Variants in PAPOLB observed in about 807,000 individuals in gnomAD.
The protein encoded by PAPOLB is PAP-beta.
PAPOLB carries 19 observed loss-of-function variants against 23.2 expected under a neutral mutation model. The ratio of observed to expected loss-of-function variants is 0.82; its 90% confidence interval spans 0.57 to 1.20. The LOEUF (loss-of-function observed/expected upper bound fraction) is 1.20, where lower values mean the gene tolerates loss of function less well. Ranked by LOEUF, PAPOLB falls within the 50% of genes most tolerant of loss-of-function variation. The pLI, the probability that PAPOLB is intolerant of heterozygous loss-of-function variation, is 0.00. For missense variants in PAPOLB, 822 were observed against 776.8 expected, an observed-to-expected ratio of 1.06 and a Z score of -0.69; for synonymous variants, 360 against 290.7, an observed-to-expected ratio of 1.24 and a Z score of -2.43.
In PAPOLB at chr7:4,860,076, G is replaced by A; in HGVS notation, c.1735C>T (p.Gln579Ter). The change falls in exon 1 of 1, where the codon CAG (glutamine) becomes TAG (stop). Residue 579 changes from glutamine to a stop codon, truncating the protein, a stop_gained. Transcript: ENST00000404991. LOFTEE classifies it low-confidence loss of function (END_TRUNC). Reference protein sequence around the residue: ...NIQATEFSLQQVNTNESSGVA... With the variant: ...NIQATEFSLQ ...CCTGAACTTTCATTGGTATTCACCT[G>A]TTGCAAGGAAAATTCAGTAGCCTGT... 6.2e-7 allele frequency: 1 copy of A among 1,614,018 alleles called. No individual in the cohort carries two copies. The highest frequency in any genetic ancestry group is 8.5e-7 in the Non-Finnish European group (1 of 1,179,876).
rs967837670 is a variant in PAPOLB at position 4,861,963 on chromosome 7, G to A, written c.-153C>T. ...TCCCGCTGCGCGCCCGCCGCTTCAG[G>A]AGCTTCTCCTCCTTCCCCTCAGCCC... On this transcript the variant is annotated 5_prime_UTR_variant, in exon 1 of 1. Coordinates refer to ENST00000404991, the MANE Select transcript of PAPOLB (RefSeq NM_020144.5). 9.4e-5 allele frequency: 44 copies of A among 468,756 alleles called. No homozygotes were observed. Among genetic ancestry groups the A allele is most frequent in the African/African-American group, 8.5e-4 (41 of 48,494 alleles). The allele number at this position is 468,756 out of a possible 1,614,324, so 29.0% of individuals were successfully genotyped here.
At position 4,860,007 on chromosome 7, in the gene PAPOLB, C is replaced by T. The variant is rs1000439646; in HGVS notation, c.1804G>A (p.Ala602Thr). Residue 602 changes from alanine (A) to threonine (T), a missense_variant, in exon 1 of 1, where the codon GCC becomes ACC. Physicochemically the swap from Ala to Thr is moderately conservative, Grantham distance 58 (BLOSUM62 0). Around this residue, in one of 3 missense-constraint regions of PAPOLB, gnomAD observed 534 missense variants for 502.8 expected, o/e 1.06. Coordinates refer to ENST00000404991, the MANE Select transcript of PAPOLB (RefSeq NM_020144.5). ...ATGGCCTTTGGTGATGGAGAAATGG[C>T]AGGCTGAGAGACAGCGTGAGGAATA... Reference protein sequence around the residue: ...ESIPHAVSQPAISPSPKAMVA... With the variant: ...ESIPHAVSQPTISPSPKAMVA... 1.9e-6 allele frequency: 3 copies of T among 1,613,846 alleles called. No homozygotes were observed. The highest frequency in any genetic ancestry group is 2.7e-5 in the African/African-American group (2 of 74,938).
Position 4,860,704 on chromosome 7 carries a change from A to G in PAPOLB, c.1107T>C (p.Phe369=). 1 of 1,614,198 alleles carries G rather than the reference A, an allele frequency of 6.2e-7. No individual in the cohort carries two copies. Among genetic ancestry groups the G allele is most frequent in the African/African-American group, 1.3e-5 (1 of 75,074 alleles). The stretch of plus-strand genomic sequence containing the variant: ...GTACAATATAATGCTTGTACTTTTG[A>G]AAGAAGCTTGGAGCTTCAAAGAGTT... ...WSKLFEAPSF[F]QKYKHYIVLL... is the part of the protein sequence containing the mutation. Residue 369 remains phenylalanine (F), a synonymous_variant, in exon 1 of 1, where the codon TTT becomes TTC. Transcript: ENST00000404991.
At position 4,860,200 on chromosome 7, in the gene PAPOLB, A is replaced by C; in HGVS notation, c.1611T>G (p.Pro537=). ...CTGTCTTCATAGTGCTAGTAGATGA[A>C]GGCACAGACATGCTGTTTTCACAGC... The part of the protein sequence containing the change: ...SAGCENSMSV[P]SSTSTMKTGP... Residue 537 remains proline, a synonymous_variant, in exon 1 of 1, where the codon CCT becomes CCG. Transcript: ENST00000404991. 1 of 1,614,062 alleles carries C rather than the reference A, an allele frequency of 6.2e-7. No individual in the cohort carries two copies. Among genetic ancestry groups the C allele is most frequent in the South Asian group, 1.1e-5 (1 of 91,084 alleles).
At position 4,860,999 on chromosome 7, in the gene PAPOLB, C is replaced by A; in HGVS notation, c.812G>T (p.Arg271Leu). Residue 271 changes from arginine (R) to leucine (L), a missense_variant, in exon 1 of 1, where the codon CGG (arginine) becomes CTG (leucine). Arg to Leu is a moderately radical substitution (Grantham distance 102). Around this residue, in one of 3 missense-constraint regions of PAPOLB, gnomAD observed 534 missense variants for 502.8 expected, o/e 1.06. Transcript: ENST00000404991. Reference sequence around the variant, plus strand: ...TTCTGAAAATACCAAGAAGAATTTCCGTACAAGAGTTGACGCTACTGCATT... The same window carrying A: ...TTCTGAAAATACCAAGAAGAATTTCAGTACAAGAGTTGACGCTACTGCATT... Reference protein sequence around the residue: ...YPNAVASTLVRKFFLVFSEWE... With the variant: ...YPNAVASTLVLKFFLVFSEWE... The A allele has an allele frequency of 6.2e-7, 1 of 1,614,178 alleles. No homozygotes were observed. The highest frequency in any genetic ancestry group is 8.5e-7 in the Non-Finnish European group (1 of 1,180,022).
chr7:4,861,834 G>GCACGTCCCCCACCACCACGACCTT lies in PAPOLB; in HGVS notation c.-25_-24insAAGGTCGTGGTGGTGGGGGACGTG. On this transcript the variant is annotated 5_prime_UTR_variant, in exon 1 of 1. Coordinates refer to ENST00000404991, the MANE Select transcript of PAPOLB (RefSeq NM_020144.5). ...ATCTTTCAGCGCCCGCCCCGCCAGG[G>GCACGTCCCCCACCACCACGACCTT]CACGTCCCCCACCACCGCGACCTTC... 3.2e-6 allele frequency: 4 copies of GCACGTCCCCCACCACCACGACCTT among 1,268,420 alleles called. No individual in the cohort carries two copies. The highest frequency in any genetic ancestry group is 4.1e-6 in the Non-Finnish European group (4 of 972,360). 78.6% of individuals were successfully genotyped at this position (1,268,420 alleles called of 1,614,324 possible).
Position 4,861,872 on chromosome 7 carries a change from C to T in PAPOLB, c.-62G>A. The T allele has an allele frequency of 1.9e-6, 1 of 538,146 alleles. No homozygotes were observed. The highest frequency in any genetic ancestry group is 2.4e-6 in the Non-Finnish European group (1 of 413,630). The allele number at this position is 538,146 out of a possible 1,614,324, so 33.3% of individuals were successfully genotyped here. ...CACCGCGACCTTCGCGGCCGCCGCC[C>T]GGGTCATGATCCGCTGAGGCGGAAG... On this transcript the variant is annotated 5_prime_UTR_variant, in exon 1 of 1. Transcript: ENST00000404991.
chr7:4,861,781 T>A lies in PAPOLB; in HGVS notation c.30A>T (p.Gly10=). The part of the protein sequence containing the change: MMPFPVTTQ[G]PPQPAPPPNR... The stretch of plus-strand genomic sequence containing the variant: ...TCGGCGGCGGCGCCGGCTGCGGTGG[T>A]CCCTGGGTTGTCACCGGAAACGGCA... Residue 10 remains glycine (G), a synonymous_variant, in exon 1 of 1, where the codon GGA becomes GGT. Transcript: ENST00000404991. 3 of 1,474,342 alleles carry A rather than the reference T, an allele frequency of 2.0e-6. No individual in the cohort carries two copies. The highest frequency in any genetic ancestry group is 2.7e-6 in the Non-Finnish European group (3 of 1,115,362). The allele number at this position is 1,474,342 out of a possible 1,614,324, so 91.3% of individuals were successfully genotyped here. A position where few individuals can be genotyped will look rare whatever the true frequency, so the allele number is the denominator to read the frequency against.
In PAPOLB at chr7:4,859,597, C is replaced by T. The variant is rs1783922340; in HGVS notation, c.*300G>A. ...TATCTAGTCCCGTACCCCTCATTCT[C>T]CTTCCTTAGTATTTGAAGACAACAG... is the stretch of plus-strand genomic sequence containing the variant. On this transcript the variant is annotated 3_prime_UTR_variant, in exon 1 of 1. Coordinates refer to ENST00000404991, the MANE Select transcript of PAPOLB (RefSeq NM_020144.5). 2.9e-6 allele frequency: 1 copy of T among 339,030 alleles called. No homozygotes were observed. Among genetic ancestry groups the T allele is most frequent in the Non-Finnish European group, 5.5e-6 (1 of 183,076 alleles). The allele number at this position is 339,030 out of a possible 1,614,324, so 21.0% of individuals were successfully genotyped here.
Position 4,861,698 on chromosome 7 carries a change from A to G in PAPOLB, c.113T>C (p.Leu38Pro). 1 of 1,578,196 alleles carries G rather than the reference A, an allele frequency of 6.3e-7. No individual in the cohort carries two copies. The highest frequency in any genetic ancestry group is 8.6e-7 in the Non-Finnish European group (1 of 1,164,376). Residue 38 changes from leucine (L) to proline (P), a missense_variant, in exon 1 of 1, where the codon CTC becomes CCC. By Grantham distance (98) the Leu-to-Pro change is moderately conservative (BLOSUM62 -3). Transcript: ENST00000404991. ...GGTTTCTATTAGCCTCTGGGTGAGGAGGCAGTCCGTCTCCTTGGGGACCGC... is the reference window on the plus strand; with the variant it reads ...GGTTTCTATTAGCCTCTGGGTGAGGGGGCAGTCCGTCTCCTTGGGGACCGC... ...SLAVPKETDCLLTQRLIETLR... is the reference protein window; with the variant it reads ...SLAVPKETDCPLTQRLIETLR...
chr7:4,861,832 G>C lies in PAPOLB; in HGVS notation c.-22C>G. The C allele has an allele frequency of 8.0e-7, 1 of 1,256,760 alleles. No individual in the cohort carries two copies. The highest frequency in any genetic ancestry group is 1.9e-5 in the South Asian group (1 of 52,748). 77.9% of individuals were successfully genotyped at this position (1,256,760 alleles called of 1,614,324 possible). A position where few individuals can be genotyped will look rare whatever the true frequency, so the allele number is the denominator to read the frequency against. ...TCATCTTTCAGCGCCCGCCCCGCCA[G>C]GGCACGTCCCCCACCACCGCGACCT... On this transcript the variant is annotated 5_prime_UTR_variant, in exon 1 of 1. Coordinates refer to ENST00000404991, the MANE Select transcript of PAPOLB (RefSeq NM_020144.5).
In PAPOLB at chr7:4,860,844, G is replaced by A; in HGVS notation, c.967C>T (p.Gln323Ter). 1 of 1,614,172 alleles carries A rather than the reference G, an allele frequency of 6.2e-7. No homozygotes were observed. Among genetic ancestry groups the A allele is most frequent in the Non-Finnish European group, 8.5e-7 (1 of 1,180,012 alleles). Reference protein sequence around the residue: ...LMPIITPAYPQQNSTYNVSIS... With the variant: ...LMPIITPAYP ...GACACGTTGTATGTGGAGTTCTGCT[G>A]TGGGTATGCTGGTGTGATGATAGGC... Residue 323 changes from glutamine to a stop codon, truncating the protein, a stop_gained, in exon 1 of 1, where the codon CAG becomes TAG. Coordinates refer to ENST00000404991, the MANE Select transcript of PAPOLB (RefSeq NM_020144.5). LOFTEE classifies it high-confidence loss of function.
In PAPOLB at chr7:4,860,722, A is replaced by G; in HGVS notation, c.1089T>C (p.Phe363=). 1 of 1,614,162 alleles carries G rather than the reference A, an allele frequency of 6.2e-7. No individual in the cohort carries two copies. Among genetic ancestry groups the G allele is most frequent in the Middle Eastern group, 1.6e-4 (1 of 6,062 alleles). The part of the protein sequence containing the change: ...LLSKAEWSKL[F]EAPSFFQKYK... ...ACTTTTGAAAGAAGCTTGGAGCTTC[A>G]AAGAGTTTGGACCACTCTGCCTTAC... Residue 363 remains phenylalanine, a synonymous_variant, in exon 1 of 1, where the codon TTT becomes TTC. Coordinates refer to ENST00000404991, the MANE Select transcript of PAPOLB (RefSeq NM_020144.5).
At position 4,861,395 on chromosome 7, in the gene PAPOLB, T is replaced by G; in HGVS notation, c.416A>C (p.Lys139Thr). 6.2e-7 allele frequency: 1 copy of G among 1,614,196 alleles called. No individual in the cohort carries two copies. Among genetic ancestry groups the G allele is most frequent in the East Asian group, 2.2e-5 (1 of 44,886 alleles). ...TAAATCTTTCACTTCCTCCTGTAGT[T>G]TCAGTTTAGCATAGAATGAGGTGAA... ...DFFTSFYAKL[K>T]LQEEVKDLRA... Residue 139 changes from lysine to threonine, a missense_variant, in exon 1 of 1, where the codon AAA becomes ACA. Lys to Thr is a moderately conservative substitution (Grantham distance 78). Transcript: ENST00000404991.
rs878967040 is a variant in PAPOLB, at chr7:4,858,561, TA to T, written c.*1335del. The T allele has an allele frequency of 1.3e-5, 2 of 152,738 alleles. No homozygotes were observed. Among genetic ancestry groups the T allele is most frequent in the South Asian group, 2.1e-4 (1 of 4,832 alleles). The allele number at this position is 152,738 out of a possible 1,614,324, so 9.5% of individuals were successfully genotyped here. On this transcript the variant is annotated 3_prime_UTR_variant, in exon 1 of 1. Coordinates refer to ENST00000404991, the MANE Select transcript of PAPOLB (RefSeq NM_020144.5). The stretch of plus-strand genomic sequence containing the variant: ...TGAATTTTGATAAATCGTTTAAAAA[TA>T]AAAGTGTTTAAAATTCTTGAAGAAA...
Position 4,860,567 on chromosome 7 carries a change from G to T in PAPOLB, c.1244C>A (p.Ala415Glu). The T allele has an allele frequency of 6.2e-7, 1 of 1,614,142 alleles. No homozygotes were observed. The highest frequency in any genetic ancestry group is 8.5e-7 in the Non-Finnish European group (1 of 1,179,988). The change falls in exon 1 of 1, where the codon GCA (alanine) becomes GAA (glutamate). Residue 415 changes from alanine to glutamate, a missense_variant. By Grantham distance (107) the Ala-to-Glu change is moderately radical. Transcript: ENST00000404991. Reference protein sequence around the residue: ...SLEKNEFITLAHVNPQSFPAP... With the variant: ...SLEKNEFITLEHVNPQSFPAP... The stretch of plus-strand genomic sequence containing the variant: ...TGGAAATGACTGTGGATTCACATGT[G>T]CCAGTGTAATAAATTCATTCTTCTC...
rs1458129937 is a variant in PAPOLB at position 4,860,060 on chromosome 7, T to G, written c.1751A>C (p.Glu584Ala). 1 of 1,613,912 alleles carries G rather than the reference T, an allele frequency of 6.2e-7. No homozygotes were observed. Among genetic ancestry groups the G allele is most frequent in the Non-Finnish European group, 8.5e-7 (1 of 1,179,896 alleles). Residue 584 changes from glutamate to alanine, a missense_variant, in exon 1 of 1, where the codon GAA (glutamate) becomes GCA (alanine). This residue lies in a region of PAPOLB where 534 missense variants were observed against 502.8 expected (regional missense o/e 1.06). Transcript: ENST00000404991. ...EFSLQQVNTNESSGVALNESI... is the reference protein window; with the variant it reads ...EFSLQQVNTNASSGVALNESI... Reference sequence around the variant, plus strand: ...TTCGTTTAATGCAACCCCTGAACTTTCATTGGTATTCACCTGTTGCAAGGA... The same window carrying G: ...TTCGTTTAATGCAACCCCTGAACTTGCATTGGTATTCACCTGTTGCAAGGA...
At position 4,859,885 on chromosome 7, in the gene PAPOLB, T is replaced by G. The variant is rs1783931577; in HGVS notation, c.*12A>C. 1.3e-6 allele frequency: 2 copies of G among 1,561,800 alleles called. No individual in the cohort carries two copies. The highest frequency in any genetic ancestry group is 1.7e-5 in the Admixed American group (1 of 58,062). ...TCTTCTTTATGAGGCAAGAATATCC[T>G]CTAGACTCCAACTATAGGATTAGAT... is the stretch of plus-strand genomic sequence containing the variant. On this transcript the variant is annotated 3_prime_UTR_variant, in exon 1 of 1. Transcript: ENST00000404991.
At position 4,861,041 on chromosome 7, in the gene PAPOLB, G is replaced by C. The variant is rs1466175778; in HGVS notation, c.770C>G (p.Thr257Ser). The change falls in exon 1 of 1, where the codon ACT becomes AGT. Residue 257 changes from threonine (T) to serine (S), a missense_variant. Around this residue, in one of 3 missense-constraint regions of PAPOLB, gnomAD observed 534 missense variants for 502.8 expected, o/e 1.06. Transcript: ENST00000404991. ...TACTGCATTTGGATAAAGCTGACAAGTTCTTGCTACTAGCATGGCCCAGGA... is the reference window on the plus strand; with the variant it reads ...TACTGCATTTGGATAAAGCTGACAACTTCTTGCTACTAGCATGGCCCAGGA... ...GVSWAMLVAR[T>S]CQLYPNAVAS... 2 of 1,614,172 alleles carry C rather than the reference G, an allele frequency of 1.2e-6. No individual in the cohort carries two copies. Among genetic ancestry groups the C allele is most frequent in the East Asian group, 2.2e-5 (1 of 44,886 alleles).
Sources: gnomAD v4.1 joint callset for allele counts on GRCh38, gnomAD v4.1.1 for gene constraint, gnomAD v4.1.1 regional missense constraint, MANE v1.5 for transcripts, NCBI Gene and HGNC (gene_info 2026-07-23, HGNC 2026-07-21) for gene names.